The following SDK2 variants were observed in gnomAD, a reference collection of about 807,000 sequenced individuals.
The protein encoded by SDK2 is protein sidekick-2.
In SDK2, 105 loss-of-function variants were observed where a neutral mutation model predicts 253.9. The observed-to-expected ratio is 0.41, with a 90% CI of 0.35 to 0.49. The LOEUF is 0.49. Ranked by LOEUF, SDK2 falls within the 20% of genes least tolerant of loss-of-function variation. The pLI, the probability that SDK2 is intolerant of heterozygous loss-of-function variation, is 0.06. For synonymous variants in SDK2, 1,249 were observed against 1,234.9 expected, an observed-to-expected ratio of 1.01 and a Z score of -0.24; for missense variants, 2,608 against 3,003.0, an observed-to-expected ratio of 0.87 and a Z score of 3.07.
intron 1 of SDK2, chr17:73,641,248 T>C (rs555684496): frequency 4.6e-5 from 7 of 152,352 alleles, no homozygotes; most frequent in Non-Finnish European, 8.8e-5. Flanking sequence ...TTAAGTACCT[T>C]CTATGTGCCA....
At position 73,395,147 on chromosome 17, in the gene SDK2, G is replaced by A; in HGVS notation, c.3592+8C>T. On this transcript the variant is annotated splice_region_variant and intron_variant, in intron 25 of 44. Transcript: ENST00000392650. The surrounding 1 kb of genome is among the most constrained non-coding windows in gnomAD (Gnocchi z 4.3). ...GCAGCAGGGTGGCTGGGTGTGAGGG[G>A]TTGGTACCTGACTCCCGGGTCCTGC... The A allele has an allele frequency of 6.4e-7, 1 of 1,574,432 alleles. No individual in the cohort carries two copies. Among genetic ancestry groups the A allele is most frequent in the Non-Finnish European group, 8.6e-7 (1 of 1,161,836 alleles).
intron 1 of SDK2, among the ~76,000 whole-genome samples, chr17:73,582,872 G>A (rs113467009): frequency 0.011 from 1,624 of 152,220 alleles, 22 homozygotes; most frequent in African/African-American, 0.036. Context: ...CTCACGTCTC[G>A]TCAGCCTCCC....
At chr17:73,546,515 C>G (rs1260350057) in intron 1 of SDK2, among the ~76,000 whole-genome samples, 2 of 152,246 alleles carry the variant, frequency 1.3e-5, no homozygotes, top group African/African-American at 4.8e-5. Flanking sequence ...GCAGGCCACA[C>G]TGCAGCCCAG....
At position 73,642,379 on chromosome 17, in the gene SDK2, C is replaced by G. The variant is rs1202489683; in HGVS notation, c.64+1646G>C. 2.0e-5 allele frequency among the ~76,000 whole-genome samples: 3 copies of G among 152,196 alleles called. No individual in the cohort carries two copies. The highest frequency in any genetic ancestry group is 4.4e-5 in the Non-Finnish European group (3 of 68,030). ...AGGGTCCAGACAGATGCTGGCATCCCGTCCCTCCACGCCGTCCAGGCTTTT... is the reference window on the plus strand; with the variant it reads ...AGGGTCCAGACAGATGCTGGCATCCGGTCCCTCCACGCCGTCCAGGCTTTT... On this transcript the variant is annotated intron_variant, in intron 1 of 44. Transcript: ENST00000392650. This position sits in a 1 kb window ranked among gnomAD's most constrained non-coding sequence, Gnocchi z 4.7.
At chr17:73,536,573 G>T (rs1326666812) in intron 1 of SDK2, among the ~76,000 whole-genome samples, 4 of 152,216 alleles carry the variant, frequency 2.6e-5, no homozygotes, top group African/African-American at 9.6e-5. Context: ...TGACCAGGGG[G>T]GCCACACAGA....
intron 1 of SDK2, among the ~76,000 whole-genome samples, chr17:73,626,817 G>C (rs977015639): frequency 6.6e-6 from 1 of 152,162 alleles, no homozygotes; most frequent in Non-Finnish European, 1.5e-5. Flanking sequence ...CCCAGGGGCT[G>C]GTCTTCGATG....
chr17:73,415,617 GC>G (rs1472626934), intron 17 of SDK2, among the ~76,000 whole-genome samples, 193 bp downstream of exon 17: 1 of 152,064 alleles, frequency 6.6e-6, no homozygotes, highest in Non-Finnish European at 1.5e-5. Flanking sequence ...GAGTAGCTGT[GC>G]CACTGTAGCA....
intron 2 of SDK2, among the ~76,000 whole-genome samples, chr17:73,494,910 C>T (rs1465857752): frequency 6.6e-6 from 1 of 152,256 alleles, no homozygotes. Context: ...ACCCCATGTC[C>T]TCTGGCACCA....
chr17:73,607,307 A>G (rs715778), intron 1 of SDK2, among the ~76,000 whole-genome samples: 25,198 of 152,178 alleles, frequency 0.17, 2,999 homozygotes, highest in African/African-American at 0.35. Context: ...ACTCTGATCA[A>G]CCAGTGCGAT....
At chr17:73,522,228 G>T (rs1364601539) in intron 1 of SDK2, among the ~76,000 whole-genome samples, 1 of 152,252 alleles carries the variant, frequency 6.6e-6, no homozygotes, top group Admixed American at 6.5e-5. Context: ...GAGCTCCAGG[G>T]TGGGCGGATG....
intron 2 of SDK2, among the ~76,000 whole-genome samples, chr17:73,480,352 T>C (rs1008834441): frequency 1.3e-5 from 2 of 152,176 alleles, no homozygotes; most frequent in African/African-American, 4.8e-5. Flanking sequence ...AGGCAGAGTA[T>C]TTCTGGGCAG....
At chr17:73,413,922 C>G (rs1048540909) in intron 18 of SDK2, among the ~76,000 whole-genome samples, 1 of 152,086 alleles carries the variant, frequency 6.6e-6, no homozygotes, top group Non-Finnish European at 1.5e-5. Flanking sequence ...TACGTGGAGT[C>G]GAGTACAGCC....
At chr17:73,358,646 G>A (rs2062613703) in intron 39 of SDK2, among the ~76,000 whole-genome samples, 1 of 152,132 alleles carries the variant, frequency 6.6e-6, no homozygotes, top group Non-Finnish European at 1.5e-5. Context: ...ATGGCAGAGT[G>A]GGCCCATGAG....
chr17:73,531,597 C>T (rs1343149730), intron 1 of SDK2, among the ~76,000 whole-genome samples: 1 of 152,206 alleles, frequency 6.6e-6, no homozygotes, highest in African/African-American at 2.4e-5. Flanking sequence ...TAGATTCCAT[C>T]TGCCAGGCCC....
rs749122671 is a variant in SDK2 at position 73,395,392 on chromosome 17, G to A, written c.3355C>T (p.Pro1119Ser). ...SETSLWLRWM[P>S]LPEMEYNGNP... ...CCATTGTATTCCATCTCCGGGAGAG[G>A]CTGCAGCGGGGCAGGGGTGGCAAAG... Residue 1119 changes from proline to serine, a missense_variant and splice_region_variant, in exon 25 of 45, where the codon CCT (proline) becomes TCT (serine). This residue lies in a region of SDK2 where 1,505 missense variants were observed against 1,859.1 expected (regional missense o/e 0.81). Coordinates refer to ENST00000392650, the MANE Select transcript of SDK2 (RefSeq NM_001144952.2). This position sits in a 1 kb window ranked among gnomAD's most constrained non-coding sequence, Gnocchi z 4.3. 6.2e-7 allele frequency: 1 copy of A among 1,613,026 alleles called. No individual in the cohort carries two copies. Among genetic ancestry groups the A allele is most frequent in the Non-Finnish European group, 8.5e-7 (1 of 1,179,170 alleles).
chr17:73,417,234 T>C (rs969034145), intron 16 of SDK2, among the ~76,000 whole-genome samples: 7 of 106,676 alleles, frequency 6.6e-5, no homozygotes, highest in African/African-American at 2.4e-4. Context: ...TGAAATCTTG[T>C]CTCTACTAAA....
chr17:73,608,691 C>T (rs1208809587), intron 1 of SDK2, among the ~76,000 whole-genome samples: 1 of 152,168 alleles, frequency 6.6e-6, no homozygotes, highest in Non-Finnish European at 1.5e-5. Flanking sequence ...GATCCACCTG[C>T]CTTGGCCTCC....
intron 5 of SDK2, among the ~76,000 whole-genome samples, chr17:73,446,999 G>A (rs1013563331): frequency 1.3e-5 from 2 of 152,184 alleles, no homozygotes; most frequent in African/African-American, 4.8e-5. Context: ...AGCACACCAA[G>A]GGAATCACGC....
At chr17:73,613,528 G>A (rs1480433040) in intron 1 of SDK2, among the ~76,000 whole-genome samples, 9 of 152,098 alleles carry the variant, frequency 5.9e-5, no homozygotes, top group Non-Finnish European at 1.2e-4. Context: ...TTCCATGGCT[G>A]TCAGCTGTTT....
Sources: gnomAD v4.1 joint callset for allele counts (sites outside exome capture counted in the v4.1 genomes callset) on GRCh38, gnomAD v4.1.1 for gene constraint, gnomAD v4.1.1 regional missense constraint, Gnocchi (gnomAD v3.1) non-coding constraint, MANE v1.5 for transcripts, NCBI Gene and HGNC (gene_info 2026-07-23, HGNC 2026-07-21) for gene names.